The following RAB38 variants were observed in gnomAD, a reference collection of about 807,000 sequenced individuals.
The protein encoded by RAB38 is RAB38, member RAS oncogene family, also known as ras-related protein Rab-38.
In RAB38, 15 loss-of-function variants were observed where a neutral mutation model predicts 18.4. The observed-to-expected ratio is 0.82, with a 90% CI of 0.55 to 1.26. The LOEUF (loss-of-function observed/expected upper bound fraction) is 1.26. Ranked by LOEUF, RAB38 falls within the 50% of genes most tolerant of loss-of-function variation. The pLI is 0.00. For missense variants in RAB38, 294 were observed against 267.4 expected (o/e 1.10, Z -0.69); for synonymous variants, 101 against 104.4 (o/e 0.97, Z 0.20).
At chr11:88,168,979 A>C (rs1943276686) in intron 1 of RAB38, among the ~76,000 whole-genome samples, 1 of 152,234 alleles carries the variant, frequency 6.6e-6, no homozygotes, top group African/African-American at 2.4e-5. Flanking sequence ...CCAATAGAAA[A>C]GAAAGATGTT....
the RAB38 span, among the ~76,000 whole-genome samples, chr11:87,837,047 A>T: frequency 9.2e-5 from 14 of 152,204 alleles, no homozygotes; most frequent in Non-Finnish European, 1.9e-4. Context: ...AATCCTCTTC[A>T]GTGAGCCATT....
the RAB38 span, among the ~76,000 whole-genome samples, chr11:87,973,772 G>C: frequency 1.3e-5 from 2 of 151,692 alleles, no homozygotes; most frequent in Admixed American, 1.3e-4. Flanking sequence ...AAATGCCATA[G>C]GTCATTCAAT....
chr11:88,076,323 G>A, the RAB38 span, among the ~76,000 whole-genome samples: 6 of 151,972 alleles, frequency 3.9e-5, no homozygotes, highest in South Asian at 2.1e-4. Context: ...ATATTGTACC[G>A]AATGGAAAAA....
the RAB38 span, among the ~76,000 whole-genome samples, chr11:87,836,860 T>C: frequency 6.6e-6 from 1 of 152,200 alleles, no homozygotes; most frequent in Non-Finnish European, 1.5e-5. Context: ...TTTTGTACTT[T>C]AAATTCCCAC....
chr11:88,089,344 T>C, the RAB38 span, among the ~76,000 whole-genome samples: 1 of 151,408 alleles, frequency 6.6e-6, no homozygotes, highest in Non-Finnish European at 1.5e-5. Flanking sequence ...GTAAACTTTA[T>C]AGGCTACATT....
At chr11:87,886,700 GA>G in the RAB38 span, among the ~76,000 whole-genome samples, 3 of 151,784 alleles carry the variant, frequency 2.0e-5, no homozygotes, top group Non-Finnish European at 4.4e-5. Flanking sequence ...CCCTGGAAAA[GA>G]GATACTATTA....
chr11:88,087,428 G>T, the RAB38 span, among the ~76,000 whole-genome samples: 2 of 152,086 alleles, frequency 1.3e-5, no homozygotes. Flanking sequence ...ATGCAGAACA[G>T]ATGAGCCCCA....
At chr11:88,117,901 C>T (rs181154868) in intron 2 of RAB38, among the ~76,000 whole-genome samples, 1 of 152,308 alleles carries the variant, frequency 6.6e-6, no homozygotes, top group East Asian at 1.9e-4. Context: ...TCTCCTCATA[C>T]AAGTTAACCA....
the RAB38 span, among the ~76,000 whole-genome samples, chr11:88,072,039 AT>A: frequency 6.6e-5 from 10 of 152,266 alleles, no homozygotes; most frequent in Non-Finnish European, 1.5e-4. Flanking sequence ...TCAGTAAAAA[AT>A]TGCAGAACCC....
the RAB38 span, among the ~76,000 whole-genome samples, chr11:88,080,492 A>T: frequency 6.6e-6 from 1 of 151,928 alleles, no homozygotes; most frequent in Non-Finnish European, 1.5e-5. Flanking sequence ...TATGGATCTG[A>T]TGCAAGCCGA....
chr11:87,836,778 C>T, the RAB38 span, among the ~76,000 whole-genome samples: 3 of 152,146 alleles, frequency 2.0e-5, no homozygotes, highest in Admixed American at 2.0e-4. Context: ...TCTTCTCTTT[C>T]CCCCAGTCCT....
chr11:88,149,598 T>G, intron 2 of RAB38, 77 bp downstream of exon 2: 1 of 1,454,264 alleles, frequency 6.9e-7, no homozygotes, highest in South Asian at 1.3e-5. Flanking sequence ...ATTATCATTA[T>G]GATGATGGTG....
the RAB38 span, among the ~76,000 whole-genome samples, chr11:87,922,347 A>G: frequency 1.3e-5 from 2 of 152,044 alleles, no homozygotes; most frequent in Non-Finnish European, 2.9e-5. Flanking sequence ...ATTAAAAAAT[A>G]CAAGCTACTG....
At chr11:88,129,612 G>C (rs10830251) in intron 2 of RAB38, among the ~76,000 whole-genome samples, 128,332 of 152,120 alleles carry the variant, frequency 0.84, 54,417 homozygotes, top group Middle Eastern at 0.93. Context: ...CCACTCAACT[G>C]CAGTCTGGGC....
the RAB38 span, among the ~76,000 whole-genome samples, chr11:88,039,344 A>C: frequency 6.6e-6 from 1 of 152,074 alleles, no homozygotes; most frequent in African/African-American, 2.4e-5. Flanking sequence ...TTTAAAAAAA[A>C]ACTTCAGCTA....
intron 1 of RAB38, chr11:88,166,475 T>C (rs1943245189): frequency 6.6e-6 from 1 of 152,170 alleles, no homozygotes; most frequent in African/African-American, 2.4e-5. Context: ...TAACAAGCTC[T>C]GTGGGCCTGA....
the RAB38 span, among the ~76,000 whole-genome samples, chr11:87,903,663 T>G: frequency 6.6e-6 from 1 of 151,450 alleles, no homozygotes; most frequent in Non-Finnish European, 1.5e-5. Context: ...TTTGTTAGCA[T>G]TCTCCAGTGA....
At chr11:87,917,532 T>G in the RAB38 span, among the ~76,000 whole-genome samples, 4 of 123,324 alleles carry the variant, frequency 3.2e-5, no homozygotes, top group African/African-American at 1.8e-4. Context: ...CTGAAGTGTT[T>G]TTTTTTTTTT....
chr11:87,805,782 T>C, the RAB38 span, among the ~76,000 whole-genome samples: 1 of 151,966 alleles, frequency 6.6e-6, no homozygotes, highest in Non-Finnish European at 1.5e-5. Flanking sequence ...TATACAGATA[T>C]ACACATGCAG....
Sources: allele counts gnomAD v4.1 joint callset (sites outside exome capture counted in the v4.1 genomes callset), GRCh38; gene constraint gnomAD v4.1.1; transcripts MANE v1.5; gene names NCBI Gene and HGNC (gene_info 2026-07-23, HGNC 2026-07-21).